CDH18: variants seen among roughly 807,000 people sequenced by gnomAD.
CDH18 encodes cadherin 18, also known as cadherin-18.
Under a neutral mutation model 67.9 loss-of-function variants are expected in CDH18, and 31 were observed. The observed-to-expected ratio is 0.46, with a 90% CI of 0.34 to 0.62. The LOEUF is 0.62. Among genes scored for constraint, CDH18 ranks in the 20% least tolerant of loss-of-function variants. The pLI is 0.01. For synonymous variants in CDH18, 362 were observed against 347.2 expected, an observed-to-expected ratio of 1.04 and a Z score of -0.48; for missense variants, 890 against 975.5, an observed-to-expected ratio of 0.91 and a Z score of 1.17.
intron 2 of CDH18, among the ~76,000 whole-genome samples, chr5:19,936,127 T>G (rs776936941): frequency 7.9e-5 from 12 of 151,470 alleles, no homozygotes; most frequent in Non-Finnish European, 1.5e-4. Context: ...TCAGTAACAC[T>G]GAAAGTTGCC....
At chr5:20,242,286 G>A (rs1397089220) in intron 2 of CDH18, among the ~76,000 whole-genome samples, 3 of 151,560 alleles carry the variant, frequency 2.0e-5, no homozygotes, top group Admixed American at 6.6e-5. Flanking sequence ...ATTTGGTTGC[G>A]GCAAAAACAT....
chr5:20,432,709 C>G (rs866666201), intron 1 of CDH18, among the ~76,000 whole-genome samples: 11 of 151,904 alleles, frequency 7.2e-5, no homozygotes, highest in Admixed American at 2.0e-4. Context: ...TTAAAGAACA[C>G]CAGTCATATT....
chr5:20,304,953 G>C, intron 1 of CDH18: 2 of 1,613,848 alleles, frequency 1.2e-6, no homozygotes, highest in East Asian at 2.2e-5. Flanking sequence ...AATCCCGCAC[G>C]GAGCAGTTCA....
chr5:20,453,569 ATATATGTG>A (rs1463323621), intron 1 of CDH18, among the ~76,000 whole-genome samples: 1 of 76,068 alleles, frequency 1.3e-5, no homozygotes. Flanking sequence ...GTGTGTATAT[ATATATGTG>A]TGTGTGTGTG....
intron 1 of CDH18, among the ~76,000 whole-genome samples, chr5:20,379,793 G>GA (rs144337391): frequency 0.017 from 2,443 of 143,380 alleles, 66 homozygotes; most frequent in African/African-American, 0.053. Context: ...AGACAAATAT[G>GA]AAAAAAAAAC....
intron 2 of CDH18, among the ~76,000 whole-genome samples, chr5:20,132,384 CTAT>C (rs1414767393): frequency 6.6e-6 from 1 of 151,952 alleles, no homozygotes; most frequent in Non-Finnish European, 1.5e-5. Flanking sequence ...TCAGTTTTCT[CTAT>C]TATTCATATA....
chr5:19,700,219 TAATA>T (rs1444927221), intron 5 of CDH18, among the ~76,000 whole-genome samples: 1 of 152,188 alleles, frequency 6.6e-6, no homozygotes, highest in East Asian at 1.9e-4. Context: ...TTTATTTGTT[TAATA>T]AGAGTATCTG....
At chr5:20,075,482 A>G (rs540604384) in intron 2 of CDH18, among the ~76,000 whole-genome samples, 29 of 152,036 alleles carry the variant, frequency 1.9e-4, no homozygotes, top group African/African-American at 7.0e-4. Context: ...CAGCCTGCTG[A>G]TAGAGATAGA....
intron 2 of CDH18, among the ~76,000 whole-genome samples, chr5:20,249,511 T>C (rs1743654552): frequency 6.6e-6 from 1 of 151,622 alleles, no homozygotes; most frequent in Non-Finnish European, 1.5e-5. Flanking sequence ...GACTCCCGAG[T>C]AGCTGGGACT....
chr5:20,180,159 A>T (rs1041714675), intron 2 of CDH18, among the ~76,000 whole-genome samples: 4 of 152,106 alleles, frequency 2.6e-5, no homozygotes, highest in African/African-American at 9.7e-5. Context: ...CACATCACCA[A>T]GATTCCTATT....
intron 4 of CDH18, among the ~76,000 whole-genome samples, chr5:19,737,517 C>A (rs1323996215): frequency 1.3e-5 from 2 of 152,200 alleles, no homozygotes; most frequent in East Asian, 3.9e-4. Flanking sequence ...TGGGCCTATT[C>A]CACATCCCTG....
chr5:20,271,922 G>C (rs1580634371), intron 1 of CDH18, among the ~76,000 whole-genome samples: 2 of 139,552 alleles, frequency 1.4e-5, no homozygotes, highest in South Asian at 4.6e-4. Context: ...GCTGTAGAGA[G>C]GCAGAGAGAG....
intron 2 of CDH18, among the ~76,000 whole-genome samples, chr5:19,915,945 TC>T (rs1485729085): frequency 2.6e-5 from 4 of 152,148 alleles, no homozygotes; most frequent in Non-Finnish European, 5.9e-5. Context: ...AATTACTCCT[TC>T]CCTTATTTTA....
chr5:20,465,247 G>A (rs57542367), intron 1 of CDH18, among the ~76,000 whole-genome samples: 9,716 of 146,986 alleles, frequency 0.066, 982 homozygotes, highest in African/African-American at 0.21. Flanking sequence ...AAGAAGAGAT[G>A]ATCATTATAT....
At chr5:20,332,420 T>C (rs896579616) in intron 1 of CDH18, among the ~76,000 whole-genome samples, 1 of 152,224 alleles carries the variant, frequency 6.6e-6, no homozygotes, top group Admixed American at 6.5e-5. Context: ...AAAATCATTC[T>C]TGTAATAAAA....
Position 19,473,304 on chromosome 5 carries a change from G to A in CDH18, c.2295C>T (p.His765=), listed in dbSNP as rs1461079696. 1 of 1,613,846 alleles carries A rather than the reference G, an allele frequency of 6.2e-7. No homozygotes were observed. The highest frequency in any genetic ancestry group is 8.5e-7 in the Non-Finnish European group (1 of 1,179,864). ...ACTCGGGTCCCCAGTCTCCAAGGTA[G>A]TGATAATCCTGGTCTGATTGTGTCG... ...SATTQSDQDY[H]YLGDWGPEFK... Residue 765 remains histidine (H), a synonymous_variant, in exon 13 of 13, where the codon CAC becomes CAT. Transcript: ENST00000382275.
At chr5:20,333,238 G>A (rs1208386708) in intron 1 of CDH18, among the ~76,000 whole-genome samples, 1 of 152,052 alleles carries the variant, frequency 6.6e-6, no homozygotes, top group East Asian at 1.9e-4. Context: ...GCCGGGCATG[G>A]TGGCTCACAC....
intron 2 of CDH18, among the ~76,000 whole-genome samples, chr5:20,013,915 A>G (rs1737669369): frequency 6.6e-6 from 1 of 152,160 alleles, no homozygotes; most frequent in South Asian, 2.1e-4. Flanking sequence ...TAACAGCAAG[A>G]AAAATTTGTT....
chr5:20,239,584 C>T (rs1197180700), intron 2 of CDH18, among the ~76,000 whole-genome samples: 1 of 152,084 alleles, frequency 6.6e-6, no homozygotes, highest in East Asian at 1.9e-4. Context: ...ATAAAAGAAG[C>T]TTTTTCAGAT....
Sources: allele counts gnomAD v4.1 joint callset (sites outside exome capture counted in the v4.1 genomes callset), GRCh38; gene constraint gnomAD v4.1.1; transcripts MANE v1.5; gene names NCBI Gene and HGNC (gene_info 2026-07-23, HGNC 2026-07-21).